MIOS: variants seen among roughly 807,000 people sequenced by gnomAD.
The protein encoded by MIOS is meiosis regulator for oocyte development.
In MIOS, 52 loss-of-function variants were observed where a neutral mutation model predicts 96.9. That is an observed-to-expected ratio of 0.54 (90% CI 0.43 to 0.68). MIOS has a LOEUF of 0.68. Among genes scored for constraint, MIOS ranks in the 30% least tolerant of loss-of-function variants. MIOS has a pLI of 0.00. For synonymous variants in MIOS, 397 were observed against 359.5 expected (o/e 1.10, Z -1.18); for missense variants, 1,005 against 1,052.8 (o/e 0.95, Z 0.63).
intron 3 of MIOS, among the ~76,000 whole-genome samples, chr7:7,571,531 C>A (rs1204565068): frequency 6.6e-6 from 1 of 152,136 alleles, no homozygotes; most frequent in Non-Finnish European, 1.5e-5. Flanking sequence ...TACCATGATT[C>A]ATGGACCTTA....
At chr7:7,581,198 T>C (rs1783713853) in intron 5 of MIOS, among the ~76,000 whole-genome samples, 1 of 150,208 alleles carries the variant, frequency 6.7e-6, no homozygotes, top group South Asian at 2.1e-4. Flanking sequence ...GGTGTGCACC[T>C]GTTGAGGCAG....
chr7:7,606,242 T>G (rs1784527395), intron 12 of MIOS, among the ~76,000 whole-genome samples, 171 bp downstream of exon 12: 1 of 152,230 alleles, frequency 6.6e-6, no homozygotes, highest in Admixed American at 6.5e-5. Context: ...AGATATCCTA[T>G]GTAACCTTAA....
chr7:7,593,865 T>A (rs1784118672), intron 9 of MIOS, among the ~76,000 whole-genome samples: 1 of 120,164 alleles, frequency 8.3e-6, no homozygotes. Flanking sequence ...GCCGACAGAG[T>A]GAGACTCTGT....
rs530312920 is a variant in MIOS, at chr7:7,572,201, C to T, written c.-40-235C>T. Among the ~76,000 whole-genome samples the T allele has an allele frequency of 3.9e-5, 6 of 152,104 alleles. No individual in the cohort carries two copies. The South Asian group carries it at 8.3e-4, about 21-fold the overall frequency. On this transcript the variant is annotated intron_variant, in intron 3 of 12. Coordinates refer to ENST00000340080, the MANE Select transcript of MIOS (RefSeq NM_019005.4). This position sits in a 1 kb window ranked among gnomAD's most constrained non-coding sequence, Gnocchi z 4.8. ...AGATAATTGATCATGGGAAATATAG[C>T]CAGGATGGGATTCTCAGATTCCTAC... is the stretch of plus-strand genomic sequence containing the variant.
In MIOS at chr7:7,573,487, A is replaced by G. The variant is rs201095729; in HGVS notation, c.1012A>G (p.Met338Val). 2.7e-5 allele frequency: 43 copies of G among 1,614,150 alleles called. No homozygotes were observed. The African/African-American group carries it at 5.7e-4, about 22-fold the overall frequency. ...FAWHPTSQNR[M>V]IVVTPNRTMS... ...GTGGCATCCAACAAGTCAAAATCGA[A>G]TGATAGTTGTAACTCCCAACCGAAC... Residue 338 changes from methionine to valine, a missense_variant, in exon 4 of 13, where the codon ATG (methionine) becomes GTG (valine). Physicochemically the swap from Met to Val is conservative, Grantham distance 21 (BLOSUM62 1). Around this residue, in one of 3 missense-constraint regions of MIOS, gnomAD observed 865 missense variants for 887.9 expected, o/e 0.97. Coordinates refer to ENST00000340080, the MANE Select transcript of MIOS (RefSeq NM_019005.4). This position sits in a 1 kb window ranked among gnomAD's most constrained non-coding sequence, Gnocchi z 5.0.
chr7:7,576,879 GA>G (rs1783550931), intron 5 of MIOS, among the ~76,000 whole-genome samples: 1 of 152,174 alleles, frequency 6.6e-6, no homozygotes, highest in African/African-American at 2.4e-5. Context: ...AAGGGGTGGA[GA>G]AGATGGAAAA....
intron 5 of MIOS, among the ~76,000 whole-genome samples, chr7:7,582,319 C>G (rs1783756976): frequency 6.6e-6 from 1 of 152,038 alleles, no homozygotes; most frequent in Non-Finnish European, 1.5e-5. Flanking sequence ...GGTGGTAAAA[C>G]TTTCTAGAAC....
At position 7,573,799 on chromosome 7, in the gene MIOS, T is replaced by A. The variant is rs549865340; in HGVS notation, c.1294+30T>A. On this transcript the variant is annotated intron_variant, in intron 4 of 12. Coordinates refer to ENST00000340080, the MANE Select transcript of MIOS (RefSeq NM_019005.4). This position sits in a 1 kb window ranked among gnomAD's most constrained non-coding sequence, Gnocchi z 5.0. ...CCTTTTCATTGTGAATTTTGTGAGG[T>A]GAATCAGGTAGAAATGTTCTTGAAG... 2 of 1,534,224 alleles carry A rather than the reference T, an allele frequency of 1.3e-6. No homozygotes were observed. The highest frequency in any genetic ancestry group is 2.1e-5 in the Admixed American group (1 of 47,356).
intron 7 of MIOS, among the ~76,000 whole-genome samples, chr7:7,586,908 T>C (rs1203244921): frequency 1.3e-5 from 2 of 152,100 alleles, no homozygotes; most frequent in East Asian, 3.8e-4. Flanking sequence ...AACTTCTGAA[T>C]TGATAAAAGA....
chr7:7,596,696 G>C (rs1162712795), intron 11 of MIOS, among the ~76,000 whole-genome samples: 1 of 152,140 alleles, frequency 6.6e-6, no homozygotes, highest in Non-Finnish European at 1.5e-5. Flanking sequence ...TAAAGTTTGT[G>C]AGAAAAACTT....
At chr7:7,596,993 G>C (rs1015185966) in intron 11 of MIOS, among the ~76,000 whole-genome samples, 1 of 152,088 alleles carries the variant, frequency 6.6e-6, no homozygotes, top group Non-Finnish European at 1.5e-5. Context: ...CTGGGAGTTT[G>C]AGACCAGCCT....
chr7:7,604,718 T>G (rs950147264), intron 11 of MIOS, among the ~76,000 whole-genome samples: 3 of 152,210 alleles, frequency 2.0e-5, no homozygotes, highest in Non-Finnish European at 4.4e-5. Flanking sequence ...ATCTTAAGCC[T>G]TTATACTTGG....
At chr7:7,570,249 T>C (rs566647633) in intron 3 of MIOS, among the ~76,000 whole-genome samples, 11 of 152,224 alleles carry the variant, frequency 7.2e-5, no homozygotes, top group Non-Finnish European at 1.5e-4. Flanking sequence ...GGAGACAAGA[T>C]GATAAATAAT....
chr7:7,597,477 T>TAC (rs1440372158), intron 11 of MIOS, among the ~76,000 whole-genome samples: 1 of 27,636 alleles, frequency 3.6e-5, no homozygotes, highest in African/African-American at 1.8e-4. Context: ...TTTATATATA[T>TAC]ATATATATAT....
rs1213379774 is a variant in MIOS at position 7,568,742 on chromosome 7, G to GTATCC, written c.-41+619_-41+620insTATCC. Among the ~76,000 whole-genome samples, 31 of 152,328 alleles carry GTATCC rather than the reference G, an allele frequency of 2.0e-4. No individual in the cohort carries two copies. In the East Asian group the frequency reaches 5.8e-3, roughly 28 times the overall value. On this transcript the variant is annotated intron_variant, in intron 3 of 12. Transcript: ENST00000340080. ...TGCAGTAATCTAGGACGGAAGTTGA[G>GTATCC]AGACCTTGGATAACCACCCAAACAT...
At chr7:7,577,791 C>T (rs557057211) in intron 5 of MIOS, among the ~76,000 whole-genome samples, 29 of 151,796 alleles carry the variant, frequency 1.9e-4, no homozygotes, top group African/African-American at 6.8e-4. Flanking sequence ...GCAGGGAGGT[C>T]GTAGGAAGAG....
chr7:7,574,779 C>A (rs1783473895), intron 5 of MIOS, among the ~76,000 whole-genome samples: 2 of 148,436 alleles, frequency 1.3e-5, no homozygotes, highest in African/African-American at 2.4e-5. Flanking sequence ...GTGACAAAAA[C>A]CAAACTTTTT....
chr7:7,572,366 A>T lies in MIOS; in HGVS notation c.-40-70A>T. 1 of 743,372 alleles carries T rather than the reference A, an allele frequency of 1.3e-6. No individual in the cohort carries two copies. Among genetic ancestry groups the T allele is most frequent in the Non-Finnish European group, 2.1e-6 (1 of 482,350 alleles). The allele number at this position is 743,372 out of a possible 1,614,324, so 46.0% of individuals were successfully genotyped here. A position where few individuals can be genotyped will look rare whatever the true frequency, so the allele number is the denominator to read the frequency against. On this transcript the variant is annotated intron_variant, in intron 3 of 12. Transcript: ENST00000340080. The surrounding 1 kb of genome is among the most constrained non-coding windows in gnomAD (Gnocchi z 4.8). ...GAATAGAGAATTTTCTGACTTTCTG[A>T]ATAGTTTATTCAACGTAAGAATTAT...
intron 6 of MIOS, among the ~76,000 whole-genome samples, chr7:7,584,915 C>T (rs975612695): frequency 6.6e-6 from 1 of 152,124 alleles, no homozygotes; most frequent in Admixed American, 6.6e-5. Flanking sequence ...CAAATGCTTT[C>T]TTGCAAATGG....
Sources: allele counts gnomAD v4.1 joint callset (sites outside exome capture counted in the v4.1 genomes callset), GRCh38; gene constraint gnomAD v4.1.1; regional missense constraint gnomAD v4.1.1; non-coding constraint Gnocchi (gnomAD v3.1); transcripts MANE v1.5; gene names NCBI Gene and HGNC (gene_info 2026-07-23, HGNC 2026-07-21).